Variants in ST3GAL3 observed in about 807,000 individuals in gnomAD.
The protein encoded by ST3GAL3 is CMP-N-acetylneuraminate-beta-1,4-galactoside alpha-2,3-sialyltransferase.
Under a neutral mutation model 50.1 loss-of-function variants are expected in ST3GAL3, and 21 were observed. The observed-to-expected ratio is 0.42, with a 90% CI of 0.30 to 0.60. The LOEUF is 0.60. Ranked by LOEUF, ST3GAL3 falls within the 20% of genes least tolerant of loss-of-function variation. ST3GAL3 has a pLI of 0.19. For missense variants in ST3GAL3, 353 were observed against 489.4 expected, an observed-to-expected ratio of 0.72 and a Z score of 2.63; for synonymous variants, 183 against 190.0, an observed-to-expected ratio of 0.96 and a Z score of 0.30.
intron 11 of ST3GAL3, among the ~76,000 whole-genome samples, chr1:43,923,139 G>T (rs974332681): frequency 1.3e-5 from 2 of 151,710 alleles, no homozygotes; most frequent in African/African-American, 2.4e-5. Context: ...GCTGGTGTGC[G>T]CATGTAGTCC....
chr1:43,928,881 C>G (rs181240935), intron 11 of ST3GAL3, among the ~76,000 whole-genome samples: 1 of 152,190 alleles, frequency 6.6e-6, no homozygotes, highest in Non-Finnish European at 1.5e-5. Flanking sequence ...TGCACACCAG[C>G]CTGGGCAACA....
chr1:43,885,826 A>C (rs1413011768), intron 5 of ST3GAL3, among the ~76,000 whole-genome samples: 1 of 152,212 alleles, frequency 6.6e-6, no homozygotes, highest in Admixed American at 6.5e-5. Context: ...CTGGAGGAAG[A>C]ATGCAAGCCT....
intron 2 of ST3GAL3, chr1:43,736,859 C>T (rs1678708873): frequency 4.1e-6 from 1 of 243,468 alleles, no homozygotes; most frequent in Non-Finnish European, 8.2e-6. Flanking sequence ...TCTTTGTAGC[C>T]GTTGCTGCTA....
chr1:43,893,124 TAGC>T (rs2076892267), intron 5 of ST3GAL3, among the ~76,000 whole-genome samples: 1 of 152,180 alleles, frequency 6.6e-6, no homozygotes, highest in Non-Finnish European at 1.5e-5. Context: ...TCTCTAATAA[TAGC>T]AGACCTCTGA....
At chr1:43,757,901 G>A (rs759464477) in intron 2 of ST3GAL3, among the ~76,000 whole-genome samples, 2 of 152,116 alleles carry the variant, frequency 1.3e-5, no homozygotes, top group Non-Finnish European at 2.9e-5. Flanking sequence ...GTACTTTACT[G>A]TTGTACTTTA....
intron 3 of ST3GAL3, among the ~76,000 whole-genome samples, chr1:43,792,626 A>G (rs920304133): frequency 1.3e-5 from 2 of 152,190 alleles, no homozygotes; most frequent in Non-Finnish European, 2.9e-5. Context: ...GACCTCTTCC[A>G]GGAGAGGAGT....
At chr1:43,887,841 T>TG (rs2076186241) in intron 5 of ST3GAL3, among the ~76,000 whole-genome samples, 1 of 148,740 alleles carries the variant, frequency 6.7e-6, no homozygotes, top group Non-Finnish European at 1.5e-5. Flanking sequence ...CATCCACCAC[T>TG]GTCCTTTCTG....
intron 5 of ST3GAL3, among the ~76,000 whole-genome samples, chr1:43,863,993 T>G (rs2070692865): frequency 6.6e-6 from 1 of 151,656 alleles, no homozygotes; most frequent in African/African-American, 2.4e-5. Context: ...GAAACTTGAG[T>G]GGGGGCCGGG....
intron 5 of ST3GAL3, among the ~76,000 whole-genome samples, chr1:43,858,788 C>G (rs1558612458): frequency 6.6e-6 from 1 of 152,198 alleles, no homozygotes; most frequent in South Asian, 2.1e-4. Flanking sequence ...GGAGACAGGT[C>G]ACTCTCTGAC....
At chr1:43,729,872 A>G (rs1291118648) in intron 1 of ST3GAL3, among the ~76,000 whole-genome samples, 1 of 152,198 alleles carries the variant, frequency 6.6e-6, no homozygotes, top group African/African-American at 2.4e-5. Flanking sequence ...AAGTGAGACT[A>G]TTGGGTTAAA....
At chr1:43,902,661 C>A (rs1344943988) in intron 9 of ST3GAL3, among the ~76,000 whole-genome samples, 1 of 152,206 alleles carries the variant, frequency 6.6e-6, no homozygotes, top group Non-Finnish European at 1.5e-5. Context: ...GTGCTCAGGG[C>A]AGCTCAGAAG....
intron 5 of ST3GAL3, among the ~76,000 whole-genome samples, chr1:43,870,809 A>G (rs2072516962): frequency 1.3e-5 from 2 of 152,090 alleles, no homozygotes; most frequent in African/African-American, 4.8e-5. Flanking sequence ...GCAAAGTGGA[A>G]TGTTTGCAAG....
intron 2 of ST3GAL3, among the ~76,000 whole-genome samples, chr1:43,766,533 A>C (rs985659104): frequency 6.6e-6 from 1 of 152,206 alleles, no homozygotes; most frequent in Admixed American, 6.5e-5. Context: ...GTGCTCTAGC[A>C]GACAGAGTAC....
At position 43,779,893 on chromosome 1, in the gene ST3GAL3, T is replaced by C. The variant is rs567181025; in HGVS notation, c.119-12209T>C. ...CCAGTTGTATAAATCTTTCTCCATA[T>C]GTTCAGACATGTTAGATTGTCTATC... On this transcript the variant is annotated intron_variant, in intron 2 of 11. Coordinates refer to ENST00000347631, the MANE Select transcript of ST3GAL3 (RefSeq NM_006279.5). Among the ~76,000 whole-genome samples, 6 of 152,342 alleles carry C rather than the reference T, an allele frequency of 3.9e-5. No individual in the cohort carries two copies. The South Asian group carries it at 1.2e-3, about 32-fold the overall frequency.
intron 5 of ST3GAL3, among the ~76,000 whole-genome samples, chr1:43,857,541 C>T (rs1344140075): frequency 8.4e-6 from 1 of 119,206 alleles, no homozygotes; most frequent in Non-Finnish European, 1.8e-5. Flanking sequence ...TTCCCTCCCT[C>T]CCTCCCTTCC....
At chr1:43,907,560 A>G (rs1185576616) in intron 9 of ST3GAL3, among the ~76,000 whole-genome samples, 1 of 152,160 alleles carries the variant, frequency 6.6e-6, no homozygotes, top group African/African-American at 2.4e-5. Context: ...GCACAGGGAA[A>G]ATAAAGGTTG....
intron 4 of ST3GAL3, chr1:43,824,634 CA>C: frequency 1.4e-6 from 2 of 1,449,304 alleles, no homozygotes; most frequent in Non-Finnish European, 1.9e-6. Flanking sequence ...TGCTTCATGA[CA>C]TCTAGCATTT....
intron 4 of ST3GAL3, among the ~76,000 whole-genome samples, chr1:43,834,815 T>C (rs960708919): frequency 1.3e-5 from 2 of 152,232 alleles, no homozygotes; most frequent in African/African-American, 4.8e-5. Context: ...TTCTTGGAAT[T>C]ACATGGTTTC....
intron 3 of ST3GAL3, among the ~76,000 whole-genome samples, chr1:43,806,061 C>T (rs1043961927): frequency 6.6e-6 from 1 of 151,910 alleles, no homozygotes; most frequent in African/African-American, 2.4e-5. Context: ...AGAGGGCCTT[C>T]GAACTAGGGT....
Sources: gnomAD v4.1 joint callset for allele counts (sites outside exome capture counted in the v4.1 genomes callset) on GRCh38, gnomAD v4.1.1 for gene constraint, MANE v1.5 for transcripts, NCBI Gene and HGNC (gene_info 2026-07-23, HGNC 2026-07-21) for gene names.